Variants in POLR2F observed in about 807,000 individuals in gnomAD.
POLR2F encodes the protein RNA polymerase II, I and III subunit F.
In POLR2F, 12 loss-of-function variants were observed where a neutral mutation model predicts 22.7. That is an observed-to-expected ratio of 0.53 (90% CI 0.34 to 0.86). The LOEUF is 0.86. POLR2F is among the 40% of genes least tolerant of loss of function. POLR2F has a pLI of 0.02. For synonymous variants in POLR2F, 57 were observed against 66.0 expected, an observed-to-expected ratio of 0.86 and a Z score of 0.66; for missense variants, 126 against 171.5, an observed-to-expected ratio of 0.73 and a Z score of 1.48.
chr22:38,018,776 G>A (rs1156592946), intron 1 of POLR2F, among the ~76,000 whole-genome samples: 4 of 152,228 alleles, frequency 2.6e-5, no homozygotes, highest in African/African-American at 9.6e-5. Context: ...AGGTTCAGCA[G>A]TGGGGAGATG....
chr22:37,954,955 A>G (rs1297440545), intron 1 of POLR2F, among the ~76,000 whole-genome samples: 2 of 152,140 alleles, frequency 1.3e-5, no homozygotes, highest in East Asian at 3.9e-4. Context: ...AAGTGGCCTA[A>G]TGTGCCAGCT....
intron 4 of POLR2F, among the ~76,000 whole-genome samples, chr22:37,979,137 G>A (rs183501505): frequency 2.0e-5 from 3 of 151,410 alleles, no homozygotes; most frequent in African/African-American, 4.9e-5. Context: ...TCACTCTGTC[G>A]CCCAGGCTGG....
chr22:38,014,548 T>C (rs976924524), intron 1 of POLR2F, among the ~76,000 whole-genome samples: 1 of 147,334 alleles, frequency 6.8e-6, no homozygotes, highest in African/African-American at 2.5e-5. Context: ...GGAGACTCAG[T>C]GTGGCACGAT....
At chr22:37,989,484 C>A (rs996950628) in intron 1 of POLR2F, among the ~76,000 whole-genome samples, 1 of 152,176 alleles carries the variant, frequency 6.6e-6, no homozygotes, top group African/African-American at 2.4e-5. Context: ...AGGTGGCATT[C>A]CTGCTTGGGA....
intron 2 of POLR2F, 152 bp from the exon 3 acceptor site, chr22:37,959,194 A>G (rs113583296): frequency 2.1e-5 from 16 of 744,896 alleles, no homozygotes; most frequent in African/African-American, 1.1e-4. Flanking sequence ...TAAGGATTAC[A>G]TGAGTTGTTA....
chr22:38,014,137 A>AG (rs1041131811), intron 1 of POLR2F, among the ~76,000 whole-genome samples: 8 of 151,552 alleles, frequency 5.3e-5, no homozygotes, highest in African/African-American at 1.7e-4. Flanking sequence ...AAAAAAAAAA[A>AG]AAAAGAAAAA....
intron 1 of POLR2F, among the ~76,000 whole-genome samples, chr22:37,990,639 T>C (rs1243306059): frequency 2.0e-5 from 3 of 152,224 alleles, no homozygotes; most frequent in Non-Finnish European, 4.4e-5. Flanking sequence ...TGTAGAAACC[T>C]GGAACCTGGC....
intron 1 of POLR2F, among the ~76,000 whole-genome samples, chr22:37,989,975 C>G (rs940730821): frequency 6.6e-6 from 1 of 152,182 alleles, no homozygotes; most frequent in Non-Finnish European, 1.5e-5. Context: ...AATTCTTTTC[C>G]CTATGACTTT....
At chr22:38,025,124 C>T (rs961803641) in intron 1 of POLR2F, among the ~76,000 whole-genome samples, 1 of 152,132 alleles carries the variant, frequency 6.6e-6, no homozygotes, top group East Asian at 1.9e-4. Context: ...AGAGGACATT[C>T]CCTAGGCAGC....
intron 1 of POLR2F, among the ~76,000 whole-genome samples, chr22:37,991,813 C>T (rs1932733449): frequency 6.6e-6 from 1 of 152,204 alleles, no homozygotes; most frequent in South Asian, 2.1e-4. Flanking sequence ...ACCCCCAGTT[C>T]CCTGTGTTCC....
Position 37,953,819 on chromosome 22 carries a change from A to C in POLR2F, c.20+12A>C. On this transcript the variant is annotated intron_variant, in intron 1 of 4. Coordinates refer to ENST00000442738, the MANE Select transcript of POLR2F (RefSeq NM_021974.5). ...GACAACGAGGACAAGTGAGTGCGGG[A>C]GCGGAGTGGCCTTTGCGGCAACCTT... 6 of 1,608,256 alleles carry C rather than the reference A, an allele frequency of 3.7e-6. No homozygotes were observed. Among genetic ancestry groups the C allele is most frequent in the Non-Finnish European group, 5.1e-6 (6 of 1,178,460 alleles).
At chr22:38,009,686 C>G (rs543421765) in intron 1 of POLR2F, among the ~76,000 whole-genome samples, 1 of 152,102 alleles carries the variant, frequency 6.6e-6, no homozygotes, top group African/African-American at 2.4e-5. Flanking sequence ...TTCACCCCAC[C>G]CTCTCCCTAG....
intron 1 of POLR2F, among the ~76,000 whole-genome samples, chr22:38,020,345 A>G (rs1349681536): frequency 2.0e-5 from 3 of 150,918 alleles, no homozygotes; most frequent in South Asian, 2.1e-4. Flanking sequence ...GCTCACTGCA[A>G]CCTCCTCCTC....
At chr22:37,977,475 C>G (rs1932255835) in intron 4 of POLR2F, among the ~76,000 whole-genome samples, 1 of 151,970 alleles carries the variant, frequency 6.6e-6, no homozygotes, top group Non-Finnish European at 1.5e-5. Context: ...TGCTCGCCAC[C>G]ACGCCCAGCT....
chr22:38,021,857 C>T (rs921478433), intron 1 of POLR2F, among the ~76,000 whole-genome samples: 1 of 151,206 alleles, frequency 6.6e-6, no homozygotes, highest in Admixed American at 6.6e-5. Flanking sequence ...TGGGGCCGGG[C>T]GCAGTAGCTC....
exon 3 of POLR2F, chr22:38,026,471 T>C: frequency 2.7e-6 from 1 of 374,552 alleles, no homozygotes; most frequent in South Asian, 2.0e-5. Context: ...CCCAGGGCCC[T>C]CCCCAGCTGT....
chr22:37,962,792 G>A (rs939268201), intron 3 of POLR2F, among the ~76,000 whole-genome samples: 16 of 151,904 alleles, frequency 1.1e-4, no homozygotes, highest in African/African-American at 3.9e-4. Context: ...ACGGGTTCAC[G>A]CCATTCTCCT....
At chr22:37,979,008 C>T (rs1286876995) in intron 4 of POLR2F, among the ~76,000 whole-genome samples, 1 of 152,078 alleles carries the variant, frequency 6.6e-6, no homozygotes, top group African/African-American at 2.4e-5. Context: ...AACTCCTGAC[C>T]TTAGTTGATC....
intron 1 of POLR2F, among the ~76,000 whole-genome samples, chr22:38,020,236 T>C (rs142618875): frequency 0.012 from 1,049 of 88,400 alleles, 12 homozygotes; most frequent in African/African-American, 0.039. Context: ...CACACACACA[T>C]ACATATATAT....
Sources: gnomAD v4.1 joint callset for allele counts (sites outside exome capture counted in the v4.1 genomes callset) on GRCh38, gnomAD v4.1.1 for gene constraint, MANE v1.5 for transcripts, NCBI Gene and HGNC (gene_info 2026-07-23, HGNC 2026-07-21) for gene names.